The following ANAPC10 variants were observed in gnomAD, a reference collection of about 807,000 sequenced individuals.
ANAPC10 encodes anaphase-promoting complex subunit 10.
Under a neutral mutation model 22.0 loss-of-function variants are expected in ANAPC10, and 12 were observed. That is an observed-to-expected ratio of 0.55 (90% confidence interval 0.35 to 0.88). The LOEUF (loss-of-function observed/expected upper bound fraction) is 0.88. Ranked by LOEUF, ANAPC10 falls within the 40% of genes least tolerant of loss-of-function variation. The probability of loss-of-function intolerance (pLI) is 0.01; values close to 1 mark genes in which losing one functional copy is unlikely to be tolerated. For synonymous variants in ANAPC10, 65 were observed against 69.5 expected (o/e 0.94, Z 0.32); for missense variants, 188 against 220.9 (o/e 0.85, Z 0.94).
At chr4:145,004,327 CTT>C (rs1159777002) in intron 4 of ANAPC10, among the ~76,000 whole-genome samples, 1 of 152,114 alleles carries the variant, frequency 6.6e-6, no homozygotes, top group Non-Finnish European at 1.5e-5. Flanking sequence ...ATTTGGATGT[CTT>C]TATTTATTTC....
intron 4 of ANAPC10, among the ~76,000 whole-genome samples, chr4:145,015,894 T>C (rs953158181): frequency 2.0e-5 from 3 of 152,020 alleles, no homozygotes; most frequent in African/African-American, 7.3e-5. Flanking sequence ...GCTGACAAAA[T>C]TCACCACTGC....
In ANAPC10 at chr4:145,031,693, G is replaced by A. The variant is rs113471424; in HGVS notation, c.327+32879C>T. On this transcript the variant is annotated intron_variant, in intron 4 of 4. Coordinates refer to ENST00000507656, the MANE Select transcript of ANAPC10 (RefSeq NM_001256706.2). ...TCCAATAGTGCTTGAGGTATCAGTGGCAGATAGGGATGCTGTTTGGAGCCT... is the reference window on the plus strand; with the variant it reads ...TCCAATAGTGCTTGAGGTATCAGTGACAGATAGGGATGCTGTTTGGAGCCT... 3.3e-3 allele frequency among the ~76,000 whole-genome samples: 503 copies of A among 152,334 alleles called. 1 individual carries two copies. The highest frequency in any genetic ancestry group is 0.011 in the African/African-American group (472 of 41,570).
intron 4 of ANAPC10, among the ~76,000 whole-genome samples, chr4:145,023,493 G>A (rs1736248939): frequency 6.6e-6 from 1 of 151,988 alleles, no homozygotes; most frequent in Non-Finnish European, 1.5e-5. Flanking sequence ...CATTTGTTGT[G>A]ACAGTTTCAA....
intron 3 of ANAPC10, among the ~76,000 whole-genome samples, chr4:145,071,091 T>C (rs1254347151): frequency 6.6e-6 from 1 of 152,200 alleles, no homozygotes; most frequent in Non-Finnish European, 1.5e-5. Context: ...GTAAATGTAC[T>C]TAAGGATACT....
At chr4:145,040,482 A>G (rs375494061) in intron 4 of ANAPC10, among the ~76,000 whole-genome samples, 65 of 152,352 alleles carry the variant, frequency 4.3e-4, no homozygotes, top group African/African-American at 1.5e-3. Flanking sequence ...AAAACATAAC[A>G]AATTTTAATG....
At chr4:145,062,396 C>T (rs990570428) in intron 4 of ANAPC10, among the ~76,000 whole-genome samples, 3 of 151,542 alleles carry the variant, frequency 2.0e-5, no homozygotes, top group Admixed American at 6.6e-5. Flanking sequence ...CACTTGAGGC[C>T]GGAGTTCGAG....
chr4:145,037,946 CA>C (rs36071811), intron 4 of ANAPC10, among the ~76,000 whole-genome samples: 749 of 71,664 alleles, frequency 0.01, 3 homozygotes, highest in African/African-American at 0.015. Flanking sequence ...AACCCTGTCT[CA>C]AAAAAAAAAA....
At chr4:145,017,361 A>G (rs1424370612) in intron 4 of ANAPC10, among the ~76,000 whole-genome samples, 1 of 152,260 alleles carries the variant, frequency 6.6e-6, no homozygotes, top group Non-Finnish European at 1.5e-5. Flanking sequence ...CAACAGACAC[A>G]TGAAAAAATG....
intron 4 of ANAPC10, among the ~76,000 whole-genome samples, chr4:145,047,207 A>C (rs1398847953): frequency 6.6e-6 from 1 of 152,096 alleles, no homozygotes; most frequent in Non-Finnish European, 1.5e-5. Context: ...ACAGGCTCCA[A>C]ACCCCATGAT....
At chr4:145,014,047 T>G (rs1292935809) in intron 4 of ANAPC10, among the ~76,000 whole-genome samples, 1 of 151,996 alleles carries the variant, frequency 6.6e-6, no homozygotes, top group African/African-American at 2.4e-5. Flanking sequence ...CCAGCTGAAT[T>G]TTGTAACAAT....
chr4:145,004,084 G>A (rs1732980937), intron 4 of ANAPC10, among the ~76,000 whole-genome samples: 1 of 151,928 alleles, frequency 6.6e-6, no homozygotes, highest in African/African-American at 2.4e-5. Flanking sequence ...TCCTAGGCAG[G>A]TTTTTCTCTC....
chr4:145,011,804 A>C (rs1424429972), intron 4 of ANAPC10, among the ~76,000 whole-genome samples: 1 of 152,130 alleles, frequency 6.6e-6, no homozygotes, highest in Non-Finnish European at 1.5e-5. Context: ...TGAAAGGTTA[A>C]GCAAGAGGCC....
At chr4:145,073,980 A>C (rs1404229005) in intron 3 of ANAPC10, among the ~76,000 whole-genome samples, 1 of 151,946 alleles carries the variant, frequency 6.6e-6, no homozygotes, top group Non-Finnish European at 1.5e-5. Context: ...AAATCAGCAA[A>C]CAAGTACATT....
chr4:145,002,537 C>T (rs935560776), intron 4 of ANAPC10, among the ~76,000 whole-genome samples: 9 of 152,062 alleles, frequency 5.9e-5, no homozygotes, highest in African/African-American at 2.2e-4. Flanking sequence ...TATAGCTTAA[C>T]TAGTCTTAAA....
intron 2 of ANAPC10, among the ~76,000 whole-genome samples, chr4:145,082,189 G>A (rs571073367): frequency 6.6e-6 from 1 of 152,264 alleles, no homozygotes; most frequent in South Asian, 2.1e-4. Flanking sequence ...CACTCTCGTG[G>A]CCCAAGCTGG....
intron 4 of ANAPC10, among the ~76,000 whole-genome samples, chr4:145,040,973 C>G (rs772064407): frequency 5.3e-5 from 8 of 151,798 alleles, no homozygotes; most frequent in Non-Finnish European, 1.0e-4. Flanking sequence ...AAAGTTCTTA[C>G]TACAGATCTA....
At chr4:145,062,468 A>G (rs573780195) in intron 4 of ANAPC10, among the ~76,000 whole-genome samples, 3 of 152,188 alleles carry the variant, frequency 2.0e-5, no homozygotes, top group African/African-American at 7.2e-5. Flanking sequence ...TTAGCTGGGC[A>G]TGGTGGCGCA....
intron 4 of ANAPC10, among the ~76,000 whole-genome samples, chr4:145,027,332 A>G (rs1383215889): frequency 6.6e-6 from 1 of 151,942 alleles, no homozygotes; most frequent in Non-Finnish European, 1.5e-5. Context: ...TAGAAGTTAA[A>G]TGAATTGGAA....
chr4:145,072,750 T>G (rs561140124), intron 3 of ANAPC10, among the ~76,000 whole-genome samples: 1 of 152,308 alleles, frequency 6.6e-6, no homozygotes, highest in East Asian at 1.9e-4. Context: ...TCTTTGACAA[T>G]AAATATTTAA....
Sources: allele counts gnomAD v4.1 joint callset (sites outside exome capture counted in the v4.1 genomes callset), GRCh38; gene constraint gnomAD v4.1.1; transcripts MANE v1.5; gene names NCBI Gene and HGNC (gene_info 2026-07-23, HGNC 2026-07-21).